The following GPCPD1 variants were observed in gnomAD, a reference collection of about 807,000 sequenced individuals.
The protein encoded by GPCPD1 is glycerophosphocholine phosphodiesterase GPCPD1.
GPCPD1 carries 29 observed loss-of-function variants against 89.2 expected under a neutral mutation model. The ratio of observed to expected loss-of-function variants is 0.33; its 90% CI spans 0.24 to 0.44. The LOEUF is 0.44. GPCPD1 is among the 20% of genes least tolerant of loss of function. The pLI, the probability that GPCPD1 is intolerant of heterozygous loss-of-function variation, is 1.00. For missense variants in GPCPD1, 594 were observed against 808.9 expected (o/e 0.73, Z 3.22); for synonymous variants, 258 against 266.3 (o/e 0.97, Z 0.30).
In GPCPD1 at chr20:5,563,517, A is replaced by G. The variant is rs571092492; in HGVS notation, c.1329+1500T>C. On this transcript the variant is annotated intron_variant, in intron 15 of 19. Transcript: ENST00000379019. ...TATACAAATTACATTTTACTTATTT[A>G]TTTATTTTTGAGACAGGATCTCTCT... Among the ~76,000 whole-genome samples, 201 of 151,924 alleles carry G rather than the reference A, an allele frequency of 1.3e-3. 2 individuals are homozygous for G. The highest frequency in any genetic ancestry group is 4.6e-3 in the African/African-American group (191 of 41,460).
intron 10 of GPCPD1, 191 bp from the exon 11 acceptor site, chr20:5,574,160 GAT>G (rs1978284926): frequency 1.7e-6 from 1 of 582,374 alleles, no homozygotes; most frequent in African/African-American, 1.9e-5. Context: ...CTCTGACAAT[GAT>G]AGATATTTAC....
intron 2 of GPCPD1, among the ~76,000 whole-genome samples, chr20:5,599,922 C>T (rs571190678): frequency 1.3e-5 from 2 of 152,118 alleles, no homozygotes; most frequent in African/African-American, 4.8e-5. Context: ...ACTTTAAAAG[C>T]CAACATAAAG....
chr20:5,604,027 A>G (rs536058345), intron 2 of GPCPD1, among the ~76,000 whole-genome samples: 1 of 152,284 alleles, frequency 6.6e-6, no homozygotes, highest in South Asian at 2.1e-4. Context: ...GATTACAGGC[A>G]TAAGCCACTG....
At chr20:5,571,437 TTAAG>T (rs1986709311) in intron 11 of GPCPD1, among the ~76,000 whole-genome samples, 1 of 152,186 alleles carries the variant, frequency 6.6e-6, no homozygotes, top group South Asian at 2.1e-4. Flanking sequence ...ATCATGAGGT[TTAAG>T]TAATAAGCCA....
At chr20:5,575,012 T>A (rs1343402628) in intron 10 of GPCPD1, among the ~76,000 whole-genome samples, 1 of 152,316 alleles carries the variant, frequency 6.6e-6, no homozygotes, top group East Asian at 1.9e-4. Flanking sequence ...GAGGTCCAAG[T>A]TAACTAATAT....
chr20:5,556,835 C>A (rs1445722189), intron 19 of GPCPD1, among the ~76,000 whole-genome samples: 1 of 152,222 alleles, frequency 6.6e-6, no homozygotes, highest in Non-Finnish European at 1.5e-5. Flanking sequence ...CCTCATGGAG[C>A]CTATATTCTC....
intron 17 of GPCPD1, among the ~76,000 whole-genome samples, chr20:5,559,509 C>T (rs755324809): frequency 6.6e-6 from 1 of 152,132 alleles, no homozygotes; most frequent in African/African-American, 2.4e-5. Context: ...TGCTTGTGCC[C>T]GAGAGGTCAG....
intron 11 of GPCPD1, among the ~76,000 whole-genome samples, chr20:5,572,806 A>G (rs966030436): frequency 1.1e-5 from 1 of 93,402 alleles, no homozygotes; most frequent in Non-Finnish European, 2.0e-5. Context: ...TAACTGGATT[A>G]AAAAAAAAAA....
At position 5,545,255 on chromosome 20, in the gene GPCPD1, A is replaced by G. The variant is rs989854879; in HGVS notation, c.*2406T>C. ...ATTTGATACAAATTATATTACTCCA[A>G]TAATTCCAACATTCATTTTCCACCA... On this transcript the variant is annotated 3_prime_UTR_variant, in exon 20 of 20. Coordinates refer to ENST00000379019, the MANE Select transcript of GPCPD1 (RefSeq NM_019593.5). The G allele has an allele frequency of 6.6e-6, 1 of 152,186 alleles. No homozygotes were observed. Among genetic ancestry groups the G allele is most frequent in the Non-Finnish European group, 1.5e-5 (1 of 68,016 alleles). The allele number at this position is 152,186 out of a possible 1,614,324, so 9.4% of individuals were successfully genotyped here. A position where few individuals can be genotyped will look rare whatever the true frequency, so the allele number is the denominator to read the frequency against.
chr20:5,584,537 T>C (rs1020162454), intron 5 of GPCPD1: 2 of 314,332 alleles, frequency 6.4e-6, no homozygotes, highest in East Asian at 6.0e-5. Context: ...ACTTCGTTGA[T>C]TGTCCATTAT....
At chr20:5,565,181 A>AGT (rs1050735737) in intron 14 of GPCPD1, 103 bp from the exon 15 acceptor site, 7 of 699,336 alleles carry the variant, frequency 1.0e-5, no homozygotes, top group East Asian at 5.1e-5. Context: ...AGAGAGAGAG[A>AGT]GTGTGTGTGT....
chr20:5,604,648 C>CA (rs1362569708), intron 1 of GPCPD1, among the ~76,000 whole-genome samples: 2 of 62,034 alleles, frequency 3.2e-5, no homozygotes, highest in Non-Finnish European at 7.8e-5. Flanking sequence ...AGTGAAAAAG[C>CA]AAAAAAATAA....
In GPCPD1 at chr20:5,584,258, TTAAG is replaced by T; in HGVS notation, c.349+19_349+22del. The T allele has an allele frequency of 5.3e-6, 6 of 1,129,440 alleles. No homozygotes were observed. The highest frequency in any genetic ancestry group is 8.0e-6 in the Non-Finnish European group (6 of 746,656). 70.0% of individuals were successfully genotyped at this position (1,129,440 alleles called of 1,614,324 possible). On this transcript the variant is annotated intron_variant, in intron 6 of 19. Transcript: ENST00000379019. The stretch of plus-strand genomic sequence containing the variant: ...CAATCTCAATCATTTCAGTAAACAT[TTAAG>T]TAAGTCAGTCTCACTTACTGTGGAT...
chr20:5,557,308 C>A (rs1204171722), intron 19 of GPCPD1, among the ~76,000 whole-genome samples: 1 of 152,136 alleles, frequency 6.6e-6, no homozygotes, highest in Non-Finnish European at 1.5e-5. Context: ...AGGCAGTCAC[C>A]AGGGGGCAGG....
intron 19 of GPCPD1, among the ~76,000 whole-genome samples, chr20:5,553,017 G>C (rs1321992632): frequency 6.6e-6 from 1 of 151,838 alleles, no homozygotes; most frequent in East Asian, 1.9e-4. Flanking sequence ...ATATGAGATG[G>C]GGTCTTCTCC....
At position 5,575,850 on chromosome 20, in the gene GPCPD1, G is replaced by C; in HGVS notation, c.834C>G (p.Ser278Arg). The C allele has an allele frequency of 1.9e-6, 3 of 1,610,016 alleles. No individual in the cohort carries two copies. The highest frequency in any genetic ancestry group is 2.5e-6 in the Non-Finnish European group (3 of 1,177,262). ...SAGILTLPIM[S>R]RNSRKTIGKV... ...TGCCTATTGTTTTCCGGGAATTTCT[G>C]CTCATGATGGGAAGAGTAAGAATTC... Residue 278 changes from serine (S) to arginine (R), a missense_variant, in exon 9 of 20, where the codon AGC becomes AGG. Ser to Arg is a moderately radical substitution (Grantham distance 110). Coordinates refer to ENST00000379019, the MANE Select transcript of GPCPD1 (RefSeq NM_019593.5).
At chr20:5,558,624 A>T in intron 18 of GPCPD1, 60 bp downstream of exon 18, 2 of 996,158 alleles carry the variant, frequency 2.0e-6, no homozygotes, top group Non-Finnish European at 3.0e-6. Flanking sequence ...TGAAATCTTT[A>T]CTACTACTCC....
Position 5,560,095 on chromosome 20 carries a change from A to C in GPCPD1, c.1396-19T>G, listed in dbSNP as rs1251501148. On this transcript the variant is annotated intron_variant, in intron 16 of 19. Transcript: ENST00000379019. The stretch of plus-strand genomic sequence containing the variant: ...TTCCATCCTAGTGAAAGAGAAAGCA[A>C]AATAAAAGTCACTGCACATCCTAAA... 6.6e-7 allele frequency: 1 copy of C among 1,507,976 alleles called. No homozygotes were observed. The highest frequency in any genetic ancestry group is 2.4e-5 in the East Asian group (1 of 40,860). 93.4% of individuals were successfully genotyped at this position (1,507,976 alleles called of 1,614,324 possible).
At chr20:5,548,657 A>G (rs1186790838) in intron 19 of GPCPD1, among the ~76,000 whole-genome samples, 1 of 152,238 alleles carries the variant, frequency 6.6e-6, no homozygotes, top group Non-Finnish European at 1.5e-5. Flanking sequence ...TCTTTTCAAT[A>G]AAATCCGTAA....
Sources: allele counts gnomAD v4.1 joint callset (sites outside exome capture counted in the v4.1 genomes callset), GRCh38; gene constraint gnomAD v4.1.1; transcripts MANE v1.5; gene names NCBI Gene and HGNC (gene_info 2026-07-23, HGNC 2026-07-21).